The following NYAP2 variants were observed in gnomAD, a reference collection of about 807,000 sequenced individuals.
NYAP2 encodes neuronal tyrosine-phosphorylated phosphoinositide-3-kinase adaptor 2.
In NYAP2, 23 loss-of-function variants were observed where a neutral mutation model predicts 50.4. The ratio of observed to expected loss-of-function variants is 0.46; its 90% CI spans 0.33 to 0.65. The LOEUF is 0.65. Ranked by LOEUF, NYAP2 falls within the 30% of genes least tolerant of loss-of-function variation. The probability of loss-of-function intolerance (pLI) is 0.02; values close to 1 mark genes in which losing one functional copy is unlikely to be tolerated. For synonymous variants in NYAP2, 394 were observed against 365.2 expected (o/e 1.08, Z -0.90); for missense variants, 885 against 861.0 (o/e 1.03, Z -0.35).
At chr2:225,502,478 T>C (rs960492233) in intron 3 of NYAP2, among the ~76,000 whole-genome samples, 1 of 152,244 alleles carries the variant, frequency 6.6e-6, no homozygotes, top group Non-Finnish European at 1.5e-5. Flanking sequence ...TTCCCAAACA[T>C]ATATGTATAC....
chr2:225,461,335 A>C (rs1323311823), intron 3 of NYAP2, among the ~76,000 whole-genome samples: 3 of 152,254 alleles, frequency 2.0e-5, no homozygotes, highest in African/African-American at 7.2e-5. Context: ...CAGGTTGTGC[A>C]CAACCCTCCA....
intron 4 of NYAP2, among the ~76,000 whole-genome samples, chr2:225,514,445 C>T (rs887497783): frequency 2.0e-5 from 3 of 152,162 alleles, no homozygotes; most frequent in African/African-American, 7.2e-5. Flanking sequence ...ATATAAGCAA[C>T]AGCAATTTAT....
At chr2:225,615,775 C>T (rs1291783543) in intron 5 of NYAP2, among the ~76,000 whole-genome samples, 2 of 152,160 alleles carry the variant, frequency 1.3e-5, no homozygotes, top group Non-Finnish European at 1.5e-5. Flanking sequence ...GAGAAGTTTA[C>T]CTACAAGCCC....
At chr2:225,494,316 C>T (rs956346999) in intron 3 of NYAP2, among the ~76,000 whole-genome samples, 2 of 152,170 alleles carry the variant, frequency 1.3e-5, no homozygotes, top group Non-Finnish European at 1.5e-5. Context: ...TGTGAATAGC[C>T]TTGATACCTC....
rs1690769805 is a variant in NYAP2 at position 225,509,379 on chromosome 2, T to A, written c.222-3992T>A. 2.6e-5 allele frequency among the ~76,000 whole-genome samples: 4 copies of A among 152,214 alleles called. No individual in the cohort carries two copies. In the East Asian group the frequency reaches 7.7e-4, roughly 29 times the overall value. On this transcript the variant is annotated intron_variant, in intron 3 of 6. Coordinates refer to ENST00000636099, the Ensembl canonical transcript of NYAP2. ...CTCCTGCTGACCAGGATCAGGGATA[T>A]CTTCCACAATGGCAATGACACTTCT... is the stretch of plus-strand genomic sequence containing the variant.
At chr2:225,486,486 A>G (rs1421474285) in intron 3 of NYAP2, among the ~76,000 whole-genome samples, 1 of 152,198 alleles carries the variant, frequency 6.6e-6, no homozygotes, top group Non-Finnish European at 1.5e-5. Context: ...AGGCAGGCGC[A>G]GGCACTGAGC....
intron 3 of NYAP2, among the ~76,000 whole-genome samples, chr2:225,495,564 T>G (rs538315028): frequency 6.6e-6 from 1 of 151,864 alleles, no homozygotes; most frequent in Non-Finnish European, 1.5e-5. Flanking sequence ...AGATAATTTG[T>G]TTTTTTGTTG....
At chr2:225,456,825 C>T (rs1416333596) in intron 3 of NYAP2, among the ~76,000 whole-genome samples, 1 of 152,116 alleles carries the variant, frequency 6.6e-6, no homozygotes, top group Non-Finnish European at 1.5e-5. Flanking sequence ...CTGAGTGCAC[C>T]TAAAGGGAAA....
At chr2:225,613,450 T>C (rs1692933914) in intron 5 of NYAP2, among the ~76,000 whole-genome samples, 1 of 152,112 alleles carries the variant, frequency 6.6e-6, no homozygotes, top group African/African-American at 2.4e-5. Flanking sequence ...GACTCAAATG[T>C]CAGTCCCCTC....
At chr2:225,549,094 T>A (rs1230444260) in intron 4 of NYAP2, among the ~76,000 whole-genome samples, 1 of 152,162 alleles carries the variant, frequency 6.6e-6, no homozygotes, top group African/African-American at 2.4e-5. Context: ...CTGGCCAGGC[T>A]GGTCTCAAAC....
At chr2:225,673,005 A>T in the NYAP2 span, among the ~76,000 whole-genome samples, 1 of 151,686 alleles carries the variant, frequency 6.6e-6, no homozygotes, top group East Asian at 1.9e-4. Context: ...AACATACCTG[A>T]GACTGGGGAA....
intron 5 of NYAP2, among the ~76,000 whole-genome samples, chr2:225,608,902 C>G (rs1416678071): frequency 6.6e-6 from 1 of 152,146 alleles, no homozygotes; most frequent in Non-Finnish European, 1.5e-5. Flanking sequence ...TTCTCTCCCT[C>G]TATATTCCAG....
chr2:225,442,751 T>A (rs770620621), intron 3 of NYAP2, among the ~76,000 whole-genome samples: 14 of 151,944 alleles, frequency 9.2e-5, no homozygotes, highest in Admixed American at 3.3e-4. Context: ...AATTTTTGTG[T>A]TTTTAGTAGA....
intron 6 of NYAP2, among the ~76,000 whole-genome samples, chr2:225,634,700 G>A (rs1693381424): frequency 6.6e-6 from 1 of 152,158 alleles, no homozygotes; most frequent in Non-Finnish European, 1.5e-5. Context: ...ATTCTATTTT[G>A]TCAAAGACAG....
chr2:225,537,758 T>C (rs931921139), intron 4 of NYAP2, among the ~76,000 whole-genome samples: 2 of 152,164 alleles, frequency 1.3e-5, no homozygotes, highest in African/African-American at 4.8e-5. Flanking sequence ...TCTTAACTCA[T>C]TTCAGTGTTA....
intron 6 of NYAP2, among the ~76,000 whole-genome samples, chr2:225,637,995 T>C (rs114370185): frequency 0.011 from 1,730 of 152,270 alleles, 27 homozygotes; most frequent in African/African-American, 0.038. Context: ...ATGAATATTG[T>C]TGTCCTTAAC....
At chr2:225,681,565 A>G in the NYAP2 span, among the ~76,000 whole-genome samples, 1 of 152,290 alleles carries the variant, frequency 6.6e-6, no homozygotes, top group African/African-American at 2.4e-5. Flanking sequence ...TGGACAAGTG[A>G]TGTAACTCTA....
chr2:225,687,412 C>G, the NYAP2 span, among the ~76,000 whole-genome samples: 1 of 152,038 alleles, frequency 6.6e-6, no homozygotes, highest in Non-Finnish European at 1.5e-5. Flanking sequence ...TATAACTTGC[C>G]AATTTATCTT....
chr2:225,469,248 C>G (rs1689974207), intron 3 of NYAP2, among the ~76,000 whole-genome samples: 1 of 152,062 alleles, frequency 6.6e-6, no homozygotes, highest in African/African-American at 2.4e-5. Flanking sequence ...ATGCAGCCAA[C>G]AAACATATGA....
Sources: gnomAD v4.1 joint callset for allele counts (sites outside exome capture counted in the v4.1 genomes callset) on GRCh38, gnomAD v4.1.1 for gene constraint, MANE v1.5 for transcripts, NCBI Gene and HGNC (gene_info 2026-07-23, HGNC 2026-07-21) for gene names.